The following TNS1 variants were observed in gnomAD, a reference collection of about 807,000 sequenced individuals.
TNS1 encodes the protein tensin 1.
In TNS1, 62 loss-of-function variants were observed where a neutral mutation model predicts 168.6. That is an observed-to-expected ratio of 0.37 (90% CI 0.30 to 0.45). The LOEUF is 0.45. Among genes scored for constraint, TNS1 ranks in the 20% least tolerant of loss-of-function variants. The probability of loss-of-function intolerance (pLI) is 1.00; values close to 1 mark genes in which losing one functional copy is unlikely to be tolerated. For synonymous variants in TNS1, 934 were observed against 933.2 expected (o/e 1.00, Z -0.02); for missense variants, 2,240 against 2,339.4 (o/e 0.96, Z 0.88).
At chr2:217,936,715 C>A (rs1349731597) in intron 3 of TNS1, among the ~76,000 whole-genome samples, 2 of 152,172 alleles carry the variant, frequency 1.3e-5, no homozygotes, top group Admixed American at 6.5e-5. Flanking sequence ...AATATCCCCC[C>A]ATCTTGAGCC....
intron 18 of TNS1, among the ~76,000 whole-genome samples, chr2:217,858,871 A>T (rs1002256126): frequency 6.6e-6 from 1 of 151,984 alleles, no homozygotes; most frequent in South Asian, 2.1e-4. Flanking sequence ...CTTGAATGAC[A>T]TCACGGTGGC....
At chr2:217,814,754 A>T (rs1941597955) in intron 25 of TNS1, among the ~76,000 whole-genome samples, 158 bp downstream of exon 25, 1 of 152,220 alleles carries the variant, frequency 6.6e-6, no homozygotes, top group African/African-American at 2.4e-5. Flanking sequence ...ACTTCACTGC[A>T]GGAAGTGCTT....
intron 3 of TNS1, among the ~76,000 whole-genome samples, chr2:217,951,628 G>A (rs912878279): frequency 3.9e-5 from 6 of 152,044 alleles, no homozygotes; most frequent in Admixed American, 1.3e-4. Flanking sequence ...ACAGGGGCTC[G>A]CCCGCCCCTG....
At chr2:217,997,136 A>G (rs77939743) in intron 1 of TNS1, among the ~76,000 whole-genome samples, 3,779 of 151,758 alleles carry the variant, frequency 0.025, 66 homozygotes, top group Non-Finnish European at 0.039. Context: ...CTTCCCAGAT[A>G]CCCCTGGACC....
At chr2:218,003,408 C>T (rs758788943), upstream of TNS1, among the ~76,000 whole-genome samples, 1 of 152,160 alleles carries the variant, frequency 6.6e-6, no homozygotes, top group African/African-American at 2.4e-5. Flanking sequence ...ACTCAGGGTG[C>T]CTTGGCCCCT....
chr2:217,818,106 C>T lies in TNS1; in HGVS notation c.4226G>A (p.Gly1409Glu), dbSNP rs141992593. The T allele has an allele frequency of 1.8e-5, 29 of 1,613,898 alleles. No individual in the cohort carries two copies. The highest frequency in any genetic ancestry group is 2.1e-5 in the Non-Finnish European group (25 of 1,179,948). Residue 1409 changes from glycine to glutamate, a missense_variant, in exon 24 of 33, where the codon GGA (glycine) becomes GAA (glutamate). Gly to Glu is a moderately conservative substitution (Grantham distance 98). Around this residue, in one of 2 missense-constraint regions of TNS1, gnomAD observed 2,131 missense variants for 2,171.2 expected, o/e 0.98. Coordinates refer to ENST00000682258, the MANE Select transcript of TNS1 (RefSeq NM_001387777.1). ...GCCGGGAACCACAGATCCAGACCCT[C>T]CGAGGTGACGGCCCAGGCTGGGGCT... ...PGSPSLGRHL[G>E]GSGSVVPGSP...
intron 1 of TNS1, among the ~76,000 whole-genome samples, chr2:218,008,003 C>T (rs1411623050): frequency 6.6e-6 from 1 of 152,180 alleles, no homozygotes; most frequent in Non-Finnish European, 1.5e-5. Context: ...AGATTGAGGT[C>T]ACTCTCTTGC....
At chr2:217,830,235 G>C (rs899938841) in intron 22 of TNS1, 1 of 1,195,646 alleles carries the variant, frequency 8.4e-7, no homozygotes, top group Non-Finnish European at 1.2e-6. Context: ...TGGCTGGTGA[G>C]AGGCAGCCCC....
intron 3 of TNS1, chr2:217,937,082 TG>T (rs1956648111): frequency 2.2e-6 from 1 of 453,000 alleles, no homozygotes; most frequent in Non-Finnish European, 4.5e-6. Context: ...CCATCTCAAA[TG>T]GTACCTCTTC....
chr2:217,953,728 A>C (rs1007513050), intron 3 of TNS1, among the ~76,000 whole-genome samples: 10 of 152,232 alleles, frequency 6.6e-5, no homozygotes, highest in South Asian at 2.1e-4. Flanking sequence ...GTGGCCTAGG[A>C]GGACCGAGGG....
At chr2:217,861,331 C>G (rs1279771216) in intron 18 of TNS1, among the ~76,000 whole-genome samples, 1 of 152,192 alleles carries the variant, frequency 6.6e-6, no homozygotes, top group Non-Finnish European at 1.5e-5. Context: ...TCCCCTTTGA[C>G]AGGCAACCCC....
chr2:217,947,151 G>C (rs1372031905), intron 3 of TNS1, among the ~76,000 whole-genome samples: 1 of 151,686 alleles, frequency 6.6e-6, no homozygotes, highest in Non-Finnish European at 1.5e-5. Context: ...TCCTCTCCTT[G>C]TCCCTACCTC....
Position 217,802,108 on chromosome 2 carries a change from C to CA in TNS1, c.*2350_*2351insT, listed in dbSNP as rs1321047959. ...CATGCCAGGAATAGGCTCCTGGGCT[C>CA]TCCAGTGGGAGATGAGATATTTACA... On this transcript the variant is annotated 3_prime_UTR_variant, in exon 33 of 33. Transcript: ENST00000682258. 1 of 152,166 alleles carries CA rather than the reference C, an allele frequency of 6.6e-6. No homozygotes were observed. The highest frequency in any genetic ancestry group is 1.9e-4 in the East Asian group (1 of 5,186). 9.4% of individuals were successfully genotyped at this position (152,166 alleles called of 1,614,324 possible). A position where few individuals can be genotyped will look rare whatever the true frequency, so the allele number is the denominator to read the frequency against.
At chr2:217,842,850 G>T (rs1424783278) in intron 19 of TNS1, among the ~76,000 whole-genome samples, 1 of 152,134 alleles carries the variant, frequency 6.6e-6, no homozygotes, top group Non-Finnish European at 1.5e-5. Flanking sequence ...GTTGCTCCAT[G>T]GGGCTCATCT....
intron 3 of TNS1, among the ~76,000 whole-genome samples, chr2:217,943,067 A>G (rs1451666780): frequency 6.6e-6 from 1 of 151,868 alleles, no homozygotes. Context: ...GAGTCAGAGG[A>G]CAGGAGGGGT....
intron 3 of TNS1, among the ~76,000 whole-genome samples, chr2:217,938,302 G>A (rs1345878336): frequency 5.3e-5 from 8 of 152,214 alleles, no homozygotes. Context: ...AGGCCTTGAG[G>A]GCTGACCCCT....
At chr2:217,824,615 A>C (rs1467742162) in intron 22 of TNS1, among the ~76,000 whole-genome samples, 81 of 152,112 alleles carry the variant, frequency 5.3e-4, no homozygotes, top group Non-Finnish European at 5.9e-5. Context: ...GGAAGCCAAT[A>C]GTTTCAGTGA....
At chr2:217,925,534 A>G (rs1955973297) in intron 3 of TNS1, among the ~76,000 whole-genome samples, 1 of 152,182 alleles carries the variant, frequency 6.6e-6, no homozygotes, top group African/African-American at 2.4e-5. Flanking sequence ...CTTTGCCCCT[A>G]GCTTAAACGA....
At chr2:217,890,911 T>G (rs371868642) in intron 12 of TNS1, 51 bp downstream of exon 12, 1 of 1,584,678 alleles carries the variant, frequency 6.3e-7, no homozygotes, top group South Asian at 1.1e-5. Flanking sequence ...AGTCCCCACA[T>G]AGAGTGAGTG....
Sources: allele counts gnomAD v4.1 joint callset (sites outside exome capture counted in the v4.1 genomes callset), GRCh38; gene constraint gnomAD v4.1.1; regional missense constraint gnomAD v4.1.1; transcripts MANE v1.5; gene names NCBI Gene and HGNC (gene_info 2026-07-23, HGNC 2026-07-21).